Variants in TRPA1 observed in about 807,000 individuals in gnomAD.
TRPA1 encodes the protein ankyrin-like with transmembrane domains 1.
Under a neutral mutation model 131.3 loss-of-function variants are expected in TRPA1, and 129 were observed. That is an observed-to-expected ratio of 0.98 (90% CI 0.85 to 1.14). The LOEUF (loss-of-function observed/expected upper bound fraction) is 1.14. Ranked by LOEUF, TRPA1 falls within the 50% of genes most tolerant of loss-of-function variation. The probability of loss-of-function intolerance (pLI) is 0.00; values close to 1 mark genes in which losing one functional copy is unlikely to be tolerated. For missense variants in TRPA1, 1,304 were observed against 1,354.2 expected (o/e 0.96, Z 0.58); for synonymous variants, 441 against 451.7 (o/e 0.98, Z 0.30).
chr8:72,035,855 T>C (rs1283993680), intron 21 of TRPA1, among the ~76,000 whole-genome samples: 3 of 151,958 alleles, frequency 2.0e-5, no homozygotes, highest in African/African-American at 7.3e-5. Flanking sequence ...CTGGGCTCAT[T>C]TGGCACACAG....
upstream of TRPA1, among the ~76,000 whole-genome samples, chr8:72,078,168 A>C (rs1806224665): frequency 6.6e-6 from 1 of 152,078 alleles, no homozygotes; most frequent in African/African-American, 2.4e-5. Flanking sequence ...TTATAAAAAT[A>C]TTTATTTTTA....
At chr8:72,065,736 C>CA (rs1805916329) in intron 3 of TRPA1, among the ~76,000 whole-genome samples, 178 bp from the exon 4 acceptor site, 1 of 152,068 alleles carries the variant, frequency 6.6e-6, no homozygotes, top group East Asian at 1.9e-4. Context: ...ACTAATTTCC[C>CA]CATTAGATGA....
At chr8:72,039,674 G>A (rs1812179025) in intron 18 of TRPA1, 53 bp downstream of exon 18, 1 of 1,133,268 alleles carries the variant, frequency 8.8e-7, no homozygotes, top group African/African-American at 1.5e-5. Context: ...TGAAGGCTTT[G>A]TAATAGATCC....
upstream of TRPA1, chr8:72,075,659 A>G: frequency 5.5e-6 from 3 of 546,758 alleles, no homozygotes; most frequent in Non-Finnish European, 9.9e-6. Context: ...AGAAACGCGG[A>G]GCTCCTTCGC....
intron 17 of TRPA1, among the ~76,000 whole-genome samples, chr8:72,042,294 T>C (rs72659652): frequency 0.071 from 10,869 of 152,048 alleles, 516 homozygotes; most frequent in Middle Eastern, 0.14. Context: ...CTATTGTTTA[T>C]GACTATTGAA....
rs1184962831 is a variant in TRPA1, at chr8:72,022,795, C to T, written c.*111G>A. On this transcript the variant is annotated 3_prime_UTR_variant, in exon 27 of 27. Transcript: ENST00000262209. ...ATACAGCATGCAGGAACCATGATTTCACACGCAGCAAAATGAATCATTCTG... is the reference window on the plus strand; with the variant it reads ...ATACAGCATGCAGGAACCATGATTTTACACGCAGCAAAATGAATCATTCTG... 4.0e-6 allele frequency: 4 copies of T among 1,005,624 alleles called. No homozygotes were observed. Among genetic ancestry groups the T allele is most frequent in the Non-Finnish European group, 6.1e-6 (4 of 651,944 alleles). 62.3% of individuals were successfully genotyped at this position (1,005,624 alleles called of 1,614,324 possible).
At chr8:72,078,933 T>G (rs1297875222), upstream of TRPA1, among the ~76,000 whole-genome samples, 1 of 152,032 alleles carries the variant, frequency 6.6e-6, no homozygotes, top group African/African-American at 2.4e-5. Flanking sequence ...TTGTCAATCT[T>G]TTTTTATTAT....
chr8:72,052,667 G>A lies in TRPA1; in HGVS notation c.1743C>T (p.Ala581=). The stretch of plus-strand genomic sequence containing the variant: ...TGTGAAGTGCAAGGTGCAAAAAGGA[G>A]GCCTGCTGCTTGTTCAGGACTATGT... ...NADIVLNKQQ[A]SFLHLALHNK... Residue 581 remains alanine (A), a synonymous_variant, in exon 14 of 27, where the codon GCC becomes GCT. Transcript: ENST00000262209. The A allele has an allele frequency of 6.2e-7, 1 of 1,613,794 alleles. No homozygotes were observed. Among genetic ancestry groups the A allele is most frequent in the East Asian group, 2.2e-5 (1 of 44,850 alleles).
At chr8:72,065,345 A>G (rs1423000063) in intron 4 of TRPA1, 106 bp downstream of exon 4, 4 of 1,071,830 alleles carry the variant, frequency 3.7e-6, no homozygotes, top group Non-Finnish European at 5.4e-6. Context: ...TTTGTATTTT[A>G]TATTTTTCTA....
chr8:72,038,652 T>A, intron 19 of TRPA1: 1 of 512,466 alleles, frequency 2.0e-6, no homozygotes, highest in East Asian at 3.4e-5. Context: ...CAATTCTTTT[T>A]AAATTAGTTT....
chr8:72,045,413 T>C (rs1173042471), intron 17 of TRPA1, among the ~76,000 whole-genome samples: 1 of 151,706 alleles, frequency 6.6e-6, no homozygotes, highest in Non-Finnish European at 1.5e-5. Context: ...GAAAATGTTT[T>C]CTACCTGTGC....
intron 26 of TRPA1, chr8:72,023,599 C>A: frequency 2.0e-6 from 1 of 491,700 alleles, no homozygotes; most frequent in Non-Finnish European, 3.6e-6. Flanking sequence ...TTTTTATTCA[C>A]TTATGATTGG....
the TRPA1 span, among the ~76,000 whole-genome samples, chr8:72,080,999 A>G: frequency 6.6e-6 from 1 of 151,366 alleles, no homozygotes; most frequent in Non-Finnish European, 1.5e-5. Context: ...TTTTGATTTT[A>G]TTGATTTTCT....
At chr8:72,043,777 C>T (rs953799115) in intron 17 of TRPA1, among the ~76,000 whole-genome samples, 2 of 151,802 alleles carry the variant, frequency 1.3e-5, no homozygotes, top group Non-Finnish European at 2.9e-5. Flanking sequence ...ACTAAACACC[C>T]ACTTACATTT....
chr8:72,034,072 C>T (rs149039356), intron 22 of TRPA1, among the ~76,000 whole-genome samples, 176 bp downstream of exon 22: 399 of 152,104 alleles, frequency 2.6e-3, no homozygotes, highest in African/African-American at 8.6e-3. Context: ...TTGCTTAACA[C>T]GACTATACTT....
chr8:72,086,441 T>C, the TRPA1 span, among the ~76,000 whole-genome samples: 4 of 152,162 alleles, frequency 2.6e-5, no homozygotes, highest in Non-Finnish European at 4.4e-5. Flanking sequence ...CTTCCAGAGG[T>C]GGTATGTTGG....
chr8:72,034,682 C>T (rs1037428938), intron 21 of TRPA1, among the ~76,000 whole-genome samples: 4 of 152,180 alleles, frequency 2.6e-5, no homozygotes, highest in Non-Finnish European at 4.4e-5. Flanking sequence ...GCAGCCTTGA[C>T]GTCCCAGGCT....
chr8:72,057,888 T>A, intron 8 of TRPA1, 72 bp from the exon 9 acceptor site: 1 of 1,106,900 alleles, frequency 9.0e-7, no homozygotes, highest in Non-Finnish European at 1.4e-6. Context: ...AATCTCTAAC[T>A]AATGGTAATT....
chr8:72,056,924 A>C lies in TRPA1; in HGVS notation c.1187T>G (p.Phe396Cys), dbSNP rs1805679939. Residue 396 changes from phenylalanine to cysteine, a missense_variant, in exon 10 of 27, where the codon TTT becomes TGT. By Grantham distance (205) the Phe-to-Cys change is radical. Transcript: ENST00000262209. Reference sequence around the variant, plus strand: ...TCCACAGATATACATTACCTGCATAAATTCAGGTCGCAGATTTTTTAATCC... The same window carrying C: ...TCCACAGATATACATTACCTGCATACATTCAGGTCGCAGATTTTTTAATCC... ...PYGLKNLRPEFMQMQQIKELV... is the reference protein window; with the variant it reads ...PYGLKNLRPECMQMQQIKELV... The C allele has an allele frequency of 1.2e-6, 2 of 1,604,242 alleles. No individual in the cohort carries two copies. The highest frequency in any genetic ancestry group is 1.7e-6 in the Non-Finnish European group (2 of 1,174,178).
Sources: gnomAD v4.1 joint callset for allele counts (sites outside exome capture counted in the v4.1 genomes callset) on GRCh38, gnomAD v4.1.1 for gene constraint, MANE v1.5 for transcripts, NCBI Gene and HGNC (gene_info 2026-07-23, HGNC 2026-07-21) for gene names.